The following CTNNA3 variants were observed in gnomAD, a reference collection of about 807,000 sequenced individuals.
The protein encoded by CTNNA3 is catenin alpha-3.
In CTNNA3, 76 loss-of-function variants were observed where a neutral mutation model predicts 95.7. That is an observed-to-expected ratio of 0.79 (90% CI 0.66 to 0.96). CTNNA3 has a LOEUF of 0.96. Ranked by LOEUF, CTNNA3 falls within the 40% of genes least tolerant of loss-of-function variation. CTNNA3 has a pLI of 0.00. For synonymous variants in CTNNA3, 431 were observed against 374.4 expected, an observed-to-expected ratio of 1.15 and a Z score of -1.74; for missense variants, 1,191 against 1,089.8, an observed-to-expected ratio of 1.09 and a Z score of -1.31.
At chr10:67,539,259 T>C (rs76893271) in intron 4 of CTNNA3, among the ~76,000 whole-genome samples, 2,008 of 152,240 alleles carry the variant, frequency 0.013, 38 homozygotes, top group East Asian at 0.069. Context: ...GTCTAGAACT[T>C]TTCCTAGCCA....
At chr10:66,148,790 G>A (rs937938066) in intron 13 of CTNNA3, among the ~76,000 whole-genome samples, 2 of 151,928 alleles carry the variant, frequency 1.3e-5, no homozygotes, top group Non-Finnish European at 2.9e-5. Context: ...GGCATTATGT[G>A]TGTATGTATT....
At chr10:67,629,717 C>G (rs1343532953) in intron 2 of CTNNA3, among the ~76,000 whole-genome samples, 1 of 152,002 alleles carries the variant, frequency 6.6e-6, no homozygotes, top group African/African-American at 2.4e-5. Flanking sequence ...AACAATGAGT[C>G]CCACAGAGGC....
At chr10:67,599,651 T>C (rs535823189) in intron 3 of CTNNA3, among the ~76,000 whole-genome samples, 16 of 152,298 alleles carry the variant, frequency 1.1e-4, no homozygotes, top group African/African-American at 3.6e-4. Flanking sequence ...TTAAATTAAA[T>C]GTTATAAAGT....
intron 10 of CTNNA3, among the ~76,000 whole-genome samples, chr10:66,578,816 GTC>G (rs1843090839): frequency 7.1e-6 from 1 of 141,838 alleles, no homozygotes; most frequent in Non-Finnish European, 1.5e-5. Context: ...TTGTTGTTGT[GTC>G]TCTGTCACAT....
At chr10:66,928,667 A>G (rs897807913) in intron 7 of CTNNA3, among the ~76,000 whole-genome samples, 1 of 152,166 alleles carries the variant, frequency 6.6e-6, no homozygotes, top group Non-Finnish European at 1.5e-5. Flanking sequence ...TTTAAATACC[A>G]CAATCAATGT....
intron 7 of CTNNA3, among the ~76,000 whole-genome samples, chr10:66,958,308 CAAAAA>C (rs35076056): frequency 0.025 from 2,200 of 86,878 alleles, 42 homozygotes; most frequent in African/African-American, 0.086. Flanking sequence ...TGCTTTCTTG[CAAAAA>C]AAAAAAAAAA....
At chr10:67,739,839 C>T (rs1841324933) in intron 1 of CTNNA3, among the ~76,000 whole-genome samples, 1 of 152,056 alleles carries the variant, frequency 6.6e-6, no homozygotes, top group African/African-American at 2.4e-5. Context: ...AAAAAGAGGC[C>T]GCATCGCCAA....
chr10:67,063,297 G>A (rs897206360), intron 7 of CTNNA3, among the ~76,000 whole-genome samples: 6 of 152,140 alleles, frequency 3.9e-5, no homozygotes, highest in Non-Finnish European at 8.8e-5. Context: ...CACATTTGTT[G>A]CATTAAATGA....
At position 66,720,670 on chromosome 10, in the gene CTNNA3, T is replaced by C. The variant is rs572141670; in HGVS notation, c.1281+45594A>G. Among the ~76,000 whole-genome samples, 291 of 151,934 alleles carry C rather than the reference T, an allele frequency of 1.9e-3. 1 individual carries two copies. The highest frequency in any genetic ancestry group is 6.8e-3 in the African/African-American group (280 of 41,392). ...CAACATGGTGAACCCCCATCTCTAC[T>C]AAAAATACAAAAAAATAGCTGGGCG... On this transcript the variant is annotated intron_variant, in intron 9 of 17. Transcript: ENST00000433211.
At chr10:66,685,347 A>ATT (rs1847249464) in intron 9 of CTNNA3, among the ~76,000 whole-genome samples, 1 of 48,564 alleles carries the variant, frequency 2.1e-5, no homozygotes, top group Non-Finnish European at 3.4e-5. Context: ...ATATATATAT[A>ATT]TATATTTTTT....
intron 7 of CTNNA3, among the ~76,000 whole-genome samples, chr10:67,123,704 GA>G (rs1488603556): frequency 4.6e-5 from 7 of 152,084 alleles, no homozygotes; most frequent in Non-Finnish European, 8.8e-5. Context: ...TACTGAGAAA[GA>G]AAAGCATCAC....
intron 13 of CTNNA3, among the ~76,000 whole-genome samples, chr10:66,225,861 C>T (rs943616508): frequency 6.6e-5 from 10 of 151,734 alleles, no homozygotes; most frequent in Admixed American, 2.0e-4. Context: ...ATTAGCCACT[C>T]GTATGTCTTA....
intron 9 of CTNNA3, among the ~76,000 whole-genome samples, chr10:66,680,083 C>G (rs1014836846): frequency 6.6e-6 from 1 of 152,140 alleles, no homozygotes; most frequent in African/African-American, 2.4e-5. Context: ...ACCTCCACCT[C>G]CCGGGTTCAA....
At chr10:67,680,568 T>C (rs1469051343) in intron 1 of CTNNA3, among the ~76,000 whole-genome samples, 1 of 152,182 alleles carries the variant, frequency 6.6e-6, no homozygotes, top group Non-Finnish European at 1.5e-5. Context: ...TCTTCCCAGC[T>C]GCATTGTCTT....
At chr10:66,251,866 T>C (rs2090566403) in intron 13 of CTNNA3, among the ~76,000 whole-genome samples, 1 of 152,148 alleles carries the variant, frequency 6.6e-6, no homozygotes, top group Non-Finnish European at 1.5e-5. Flanking sequence ...AGATTTATCA[T>C]CCCCATTTTG....
chr10:66,602,543 G>C (rs1175904899), intron 10 of CTNNA3, among the ~76,000 whole-genome samples: 1 of 151,890 alleles, frequency 6.6e-6, no homozygotes, highest in East Asian at 1.9e-4. Context: ...AGAAAATGCT[G>C]CTAGAATTGC....
rs528623086 is a variant in CTNNA3, at chr10:67,560,339, T to C, written c.293-20670A>G. ...GAGAGTGGGGGCCAATATTCAACATTCTTAAAGAAAAGAATTTTCAACCCA... is the reference window on the plus strand; with the variant it reads ...GAGAGTGGGGGCCAATATTCAACATCCTTAAAGAAAAGAATTTTCAACCCA... On this transcript the variant is annotated intron_variant, in intron 3 of 17. Transcript: ENST00000433211. 1.3e-3 allele frequency among the ~76,000 whole-genome samples: 203 copies of C among 151,678 alleles called. 4 individuals are homozygous for C. Among genetic ancestry groups the C allele is most frequent in the African/African-American group, 4.5e-3 (186 of 41,474 alleles).
chr10:66,492,450 ATTTT>A (rs60327021), intron 11 of CTNNA3, among the ~76,000 whole-genome samples: 1 of 144,112 alleles, frequency 6.9e-6, no homozygotes, highest in East Asian at 2.0e-4. Context: ...GGCCCAGCTA[ATTTT>A]TTTTTTTTTT....
chr10:67,347,025 T>C (rs1469179395), intron 5 of CTNNA3, among the ~76,000 whole-genome samples: 1 of 151,954 alleles, frequency 6.6e-6, no homozygotes, highest in Non-Finnish European at 1.5e-5. Flanking sequence ...GAAGTTATTT[T>C]ATCTAATTCT....
Sources: gnomAD v4.1 joint callset for allele counts (sites outside exome capture counted in the v4.1 genomes callset) on GRCh38, gnomAD v4.1.1 for gene constraint, MANE v1.5 for transcripts, NCBI Gene and HGNC (gene_info 2026-07-23, HGNC 2026-07-21) for gene names.